The following ERBB4 variants were observed in gnomAD, a reference collection of about 807,000 sequenced individuals.
ERBB4 encodes the protein receptor tyrosine-protein kinase erbB-4.
Under a neutral mutation model 158.0 loss-of-function variants are expected in ERBB4, and 42 were observed. The ratio of observed to expected loss-of-function variants is 0.27; its 90% CI spans 0.21 to 0.34. The LOEUF is 0.34. Among genes scored for constraint, ERBB4 ranks in the 10% least tolerant of loss-of-function variants. ERBB4 has a pLI of 1.00. For synonymous variants in ERBB4, 583 were observed against 558.7 expected (o/e 1.04, Z -0.61); for missense variants, 1,333 against 1,624.1 (o/e 0.82, Z 3.08).
At chr2:211,742,031 T>A (rs1335951417) in intron 5 of ERBB4, among the ~76,000 whole-genome samples, 1 of 152,102 alleles carries the variant, frequency 6.6e-6, no homozygotes, top group Non-Finnish European at 1.5e-5. Flanking sequence ...AAAGGAAAAA[T>A]GGGAATAATT....
At chr2:211,679,029 G>C (rs1425199784) in intron 13 of ERBB4, 23 bp downstream of exon 13, 15 of 1,580,980 alleles carry the variant, frequency 9.5e-6, no homozygotes, top group Admixed American at 1.7e-5. Flanking sequence ...ATGAGGTGAA[G>C]GCAACCCTAG....
intron 1 of ERBB4, among the ~76,000 whole-genome samples, chr2:212,414,382 G>T (rs1472973638): frequency 1.3e-5 from 2 of 152,114 alleles, no homozygotes; most frequent in Non-Finnish European, 2.9e-5. Context: ...TTGCAATTTA[G>T]CAGCCTGAAT....
chr2:212,236,735 T>C (rs989776396), intron 1 of ERBB4, among the ~76,000 whole-genome samples: 4 of 152,338 alleles, frequency 2.6e-5, no homozygotes, highest in African/African-American at 9.6e-5. Flanking sequence ...TTCTTCTAGA[T>C]TTTCTAGTTT....
intron 4 of ERBB4, chr2:211,779,296 C>G (rs2075977071): frequency 6.6e-6 from 1 of 152,312 alleles, no homozygotes; most frequent in African/African-American, 2.4e-5. Flanking sequence ...TAACCGGCAT[C>G]TTATTAGCTA....
chr2:211,544,752 T>G (rs2066899114), intron 20 of ERBB4, among the ~76,000 whole-genome samples: 1 of 147,362 alleles, frequency 6.8e-6, no homozygotes, highest in South Asian at 2.3e-4. Flanking sequence ...AGAGAAGTAC[T>G]CTATGTACCT....
chr2:211,675,364 AAAT>A (rs1191138524), intron 13 of ERBB4, among the ~76,000 whole-genome samples: 1 of 152,144 alleles, frequency 6.6e-6, no homozygotes, highest in Non-Finnish European at 1.5e-5. Context: ...TCTAGGCCTT[AAAT>A]ACTTCAACTT....
At chr2:212,352,611 T>C (rs896364856) in intron 1 of ERBB4, among the ~76,000 whole-genome samples, 1 of 152,118 alleles carries the variant, frequency 6.6e-6, no homozygotes, top group African/African-American at 2.4e-5. Flanking sequence ...CTCATGCCTG[T>C]AATCCCAGCA....
At chr2:211,843,853 T>C (rs2077531996) in intron 3 of ERBB4, among the ~76,000 whole-genome samples, 1 of 152,040 alleles carries the variant, frequency 6.6e-6, no homozygotes, top group South Asian at 2.1e-4. Context: ...CTAAGCAGGT[T>C]TGACAATATT....
At chr2:211,672,052 G>T (rs866843125) in intron 14 of ERBB4, among the ~76,000 whole-genome samples, 2 of 151,992 alleles carry the variant, frequency 1.3e-5, no homozygotes, top group South Asian at 4.1e-4. Context: ...CCTTGTGGTC[G>T]TCCTCTGAAC....
At chr2:211,464,686 AACTTG>A (rs920065193) in intron 20 of ERBB4, among the ~76,000 whole-genome samples, 32 of 152,276 alleles carry the variant, frequency 2.1e-4, no homozygotes, top group East Asian at 5.8e-4. Context: ...CTTCAGAATT[AACTTG>A]AGAAAAGCTT....
intron 1 of ERBB4, among the ~76,000 whole-genome samples, chr2:212,185,813 A>G (rs1040808703): frequency 1.3e-5 from 2 of 152,112 alleles, no homozygotes; most frequent in African/African-American, 4.8e-5. Context: ...TTAATTTACA[A>G]ATTACAAGCA....
chr2:211,484,121 G>A (rs1021136069), intron 20 of ERBB4, among the ~76,000 whole-genome samples: 2 of 151,990 alleles, frequency 1.3e-5, no homozygotes, highest in Non-Finnish European at 2.9e-5. Context: ...ATAAATTAAA[G>A]GCACAAACCC....
chr2:211,711,302 T>A (rs1046850423), intron 9 of ERBB4, among the ~76,000 whole-genome samples: 4 of 152,144 alleles, frequency 2.6e-5, no homozygotes, highest in Non-Finnish European at 5.9e-5. Flanking sequence ...AGATTTTGAA[T>A]TAAAATATAT....
At chr2:211,969,162 C>T (rs1019824433) in intron 2 of ERBB4, among the ~76,000 whole-genome samples, 2 of 151,932 alleles carry the variant, frequency 1.3e-5, no homozygotes, top group East Asian at 3.9e-4. Flanking sequence ...TGTATAAAAG[C>T]ATACCCCCTT....
At chr2:212,406,942 A>G (rs779984872) in intron 1 of ERBB4, among the ~76,000 whole-genome samples, 1 of 151,890 alleles carries the variant, frequency 6.6e-6, no homozygotes, top group Non-Finnish European at 1.5e-5. Context: ...GTCTCTTTGC[A>G]CATACTCTTC....
At chr2:211,489,419 C>A (rs565133577) in intron 20 of ERBB4, among the ~76,000 whole-genome samples, 1 of 151,896 alleles carries the variant, frequency 6.6e-6, no homozygotes, top group African/African-American at 2.4e-5. Context: ...AACAATAATA[C>A]CAATCTCAAA....
At chr2:212,422,653 T>A (rs891360229) in intron 1 of ERBB4, among the ~76,000 whole-genome samples, 2 of 152,198 alleles carry the variant, frequency 1.3e-5, no homozygotes, top group Non-Finnish European at 2.9e-5. Context: ...AACCAAAACC[T>A]TTTACTGTGA....
chr2:212,239,501 C>T (rs996302672), intron 1 of ERBB4, among the ~76,000 whole-genome samples: 1 of 152,194 alleles, frequency 6.6e-6, no homozygotes, highest in Non-Finnish European at 1.5e-5. Context: ...CTACCTCAGT[C>T]GTGTTCCTAA....
chr2:212,512,608 C>T (rs1691587203), intron 1 of ERBB4, among the ~76,000 whole-genome samples: 1 of 152,138 alleles, frequency 6.6e-6, no homozygotes, highest in Non-Finnish European at 1.5e-5. Context: ...TATTCAATCT[C>T]TGCAAAATTC....
Sources: allele counts gnomAD v4.1 joint callset (sites outside exome capture counted in the v4.1 genomes callset), GRCh38; gene constraint gnomAD v4.1.1; transcripts MANE v1.5; gene names NCBI Gene and HGNC (gene_info 2026-07-23, HGNC 2026-07-21).